MTMR7: variants seen among roughly 807,000 people sequenced by gnomAD.
MTMR7 encodes myotubularin related protein 7.
A neutral mutation model predicts 81.2 loss-of-function variants in MTMR7; 76 were observed. The observed-to-expected ratio is 0.94, with a 90% CI of 0.78 to 1.13. The LOEUF is 1.13. Ranked by LOEUF, MTMR7 falls within the 50% of genes most tolerant of loss-of-function variation. The pLI, the probability that MTMR7 is intolerant of heterozygous loss-of-function variation, is 0.00. For missense variants in MTMR7, 1,044 were observed against 820.0 expected (o/e 1.27, Z -3.34); for synonymous variants, 372 against 289.8 (o/e 1.28, Z -2.88).
intron 1 of MTMR7, among the ~76,000 whole-genome samples, chr8:17,387,433 C>G (rs1396696566): frequency 6.6e-6 from 1 of 152,152 alleles, no homozygotes; most frequent in Non-Finnish European, 1.5e-5. Context: ...AAAAATTCAC[C>G]CCAGTAATCT....
chr8:17,371,045 GC>G lies in MTMR7; in HGVS notation c.301del (p.Ala101GlnfsTer4). 2 of 1,612,738 alleles carry G rather than the reference GC, an allele frequency of 1.2e-6. No individual in the cohort carries two copies. Among genetic ancestry groups the G allele is most frequent in the Non-Finnish European group, 1.7e-6 (2 of 1,179,406 alleles). On this transcript the variant is annotated frameshift_variant, in exon 3 of 14. Coordinates refer to ENST00000180173, the MANE Select transcript of MTMR7 (RefSeq NM_004686.5). LOFTEE classifies it high-confidence loss of function. ...GAGTTCCTCTGCCCTACCTGGCCTT[GC>G]AAGGCGTATCAGGGAGATGTACACG... is the stretch of plus-strand genomic sequence containing the variant. ...HDVYISLIRL[A>X]RPVKYEELYC...
intron 4 of MTMR7, among the ~76,000 whole-genome samples, chr8:17,350,401 G>T (rs1265813954): frequency 6.6e-6 from 1 of 152,214 alleles, no homozygotes; most frequent in Non-Finnish European, 1.5e-5. Flanking sequence ...CGTCTTACGT[G>T]GTAGCAGGCA....
chr8:17,369,641 CTTTTT>C (rs71212689), intron 3 of MTMR7, among the ~76,000 whole-genome samples: 9 of 106,238 alleles, frequency 8.5e-5, no homozygotes, highest in Admixed American at 4.5e-4. Context: ...TTCTTTTTTT[CTTTTT>C]TTTTTTTTTT....
intron 7 of MTMR7, 146 bp from the exon 8 acceptor site, chr8:17,313,547 C>T (rs536049033): frequency 1.2e-4 from 64 of 545,452 alleles, no homozygotes; most frequent in African/African-American, 5.0e-4. Context: ...TAAATACCCA[C>T]GTTTACTAAA....
At chr8:17,371,292 G>T in intron 2 of MTMR7, 93 bp from the exon 3 acceptor site, 1 of 1,414,226 alleles carries the variant, frequency 7.1e-7, no homozygotes, top group South Asian at 1.4e-5. Flanking sequence ...AGAAAGACAA[G>T]AAACGCTCCC....
intron 1 of MTMR7, among the ~76,000 whole-genome samples, chr8:17,381,137 TGGAAAAGAC>T (rs1387202427): frequency 6.6e-6 from 1 of 152,158 alleles, no homozygotes; most frequent in East Asian, 1.9e-4. Context: ...ATAGATTCAA[TGGAAAAGAC>T]TATGCCCCAG....
intron 7 of MTMR7, among the ~76,000 whole-genome samples, chr8:17,322,742 T>C (rs1818462553): frequency 6.6e-6 from 1 of 152,116 alleles, no homozygotes; most frequent in African/African-American, 2.4e-5. Context: ...GGAGGATCAC[T>C]TGAGCCCAGG....
chr8:17,340,347 C>G (rs181780107), intron 6 of MTMR7, among the ~76,000 whole-genome samples: 5 of 152,230 alleles, frequency 3.3e-5, no homozygotes, highest in African/African-American at 9.6e-5. Context: ...TACAAGGAGA[C>G]AGAACTGGAC....
chr8:17,332,116 T>C (rs1370649115), intron 6 of MTMR7, among the ~76,000 whole-genome samples: 1 of 152,142 alleles, frequency 6.6e-6, no homozygotes, highest in Non-Finnish European at 1.5e-5. Flanking sequence ...ATTAAGCAGG[T>C]CATCACATCC....
chr8:17,376,421 G>T (rs1563366929), intron 1 of MTMR7, among the ~76,000 whole-genome samples: 1 of 152,170 alleles, frequency 6.6e-6, no homozygotes, highest in South Asian at 2.1e-4. Context: ...TTTTTGTATG[G>T]ACATATGCTT....
chr8:17,304,695 A>G (rs1012533367), intron 11 of MTMR7, among the ~76,000 whole-genome samples, 176 bp from the exon 12 acceptor site: 5 of 150,824 alleles, frequency 3.3e-5, no homozygotes, highest in African/African-American at 9.9e-5. Flanking sequence ...GAACACTGTA[A>G]TAATCTCAAC....
chr8:17,331,074 T>G (rs1326009233), intron 7 of MTMR7, 76 bp downstream of exon 7: 1 of 1,507,744 alleles, frequency 6.6e-7, no homozygotes, highest in Non-Finnish European at 8.9e-7. Flanking sequence ...CATTTTAAAA[T>G]CAAGACTATC....
At chr8:17,303,415 G>A (rs768064353) in intron 12 of MTMR7, among the ~76,000 whole-genome samples, 2 of 152,084 alleles carry the variant, frequency 1.3e-5, no homozygotes, top group East Asian at 1.9e-4. Flanking sequence ...AGTCTGTGTC[G>A]GGAGTGAGTA....
chr8:17,389,141 C>A (rs973406658), intron 1 of MTMR7, among the ~76,000 whole-genome samples: 1 of 152,156 alleles, frequency 6.6e-6, no homozygotes, highest in Non-Finnish European at 1.5e-5. Flanking sequence ...TCACCTCCAG[C>A]CTGACACCCA....
rs1217962385 is a variant in MTMR7, at chr8:17,313,340, C to G, written c.927G>C (p.Trp309Cys). 6.2e-7 allele frequency: 1 copy of G among 1,613,080 alleles called. No individual in the cohort carries two copies. Among genetic ancestry groups the G allele is most frequent in the South Asian group, 1.1e-5 (1 of 90,914 alleles). Residue 309 changes from tryptophan to cysteine, a missense_variant, in exon 8 of 14, where the codon TGG becomes TGC. Physicochemically the swap from Trp to Cys is radical, Grantham distance 215 (BLOSUM62 -2). Transcript: ENST00000180173. ...CCATTATGGCTTTAATGTGCCTTAA[C>G]CAGCCAGAGTTCTCCAGACCCCACA... Reference protein sequence around the residue: ...DFLWGLENSGWLRHIKAIMDA... With the variant: ...DFLWGLENSGCLRHIKAIMDA...
At chr8:17,307,534 G>A (rs904292632) in intron 10 of MTMR7, among the ~76,000 whole-genome samples, 4 of 152,102 alleles carry the variant, frequency 2.6e-5, no homozygotes, top group African/African-American at 9.7e-5. Flanking sequence ...TCCCATTACT[G>A]GGTATATACC....
intron 6 of MTMR7, among the ~76,000 whole-genome samples, chr8:17,339,485 T>C (rs112870763): frequency 0.016 from 2,474 of 152,292 alleles, 73 homozygotes; most frequent in African/African-American, 0.057. Context: ...AGCTCTGAAA[T>C]TGCCTGTTGA....
At chr8:17,392,764 T>C (rs368929838) in intron 1 of MTMR7, among the ~76,000 whole-genome samples, 1 of 152,196 alleles carries the variant, frequency 6.6e-6, no homozygotes, top group African/African-American at 2.4e-5. Context: ...GAGGAAAAAA[T>C]ATTGAAACTC....
chr8:17,313,127 G>C (rs937991411), intron 8 of MTMR7, among the ~76,000 whole-genome samples, 165 bp downstream of exon 8: 4 of 152,132 alleles, frequency 2.6e-5, no homozygotes, highest in African/African-American at 9.7e-5. Context: ...GTATTCTTTC[G>C]CAAAATCATA....
Sources: gnomAD v4.1 joint callset for allele counts (sites outside exome capture counted in the v4.1 genomes callset) on GRCh38, gnomAD v4.1.1 for gene constraint, MANE v1.5 for transcripts, NCBI Gene and HGNC (gene_info 2026-07-23, HGNC 2026-07-21) for gene names.